The following SEZ6 variants were observed in gnomAD, a reference collection of about 807,000 sequenced individuals.
SEZ6 encodes the protein seizure protein 6 homolog.
In SEZ6, 53 loss-of-function variants were observed where a neutral mutation model predicts 101.0. The ratio of observed to expected loss-of-function variants is 0.52; its 90% CI spans 0.42 to 0.66. The LOEUF (loss-of-function observed/expected upper bound fraction) is 0.66. SEZ6 is among the 30% of genes least tolerant of loss of function. The pLI, the probability that SEZ6 is intolerant of heterozygous loss-of-function variation, is 0.00. For missense variants in SEZ6, 1,102 were observed against 1,289.4 expected, an observed-to-expected ratio of 0.85 and a Z score of 2.23; for synonymous variants, 488 against 512.2, an observed-to-expected ratio of 0.95 and a Z score of 0.64.
At chr17:28,999,630 C>T (rs923721447) in intron 1 of SEZ6, among the ~76,000 whole-genome samples, 1 of 152,198 alleles carries the variant, frequency 6.6e-6, no homozygotes, top group Non-Finnish European at 1.5e-5. Flanking sequence ...CATCCTCCCC[C>T]CACAGGTCTG....
chr17:29,002,686 G>A (rs2041630836), intron 1 of SEZ6, among the ~76,000 whole-genome samples: 1 of 152,174 alleles, frequency 6.6e-6, no homozygotes, highest in Non-Finnish European at 1.5e-5. Context: ...GCCAGGCTGG[G>A]GACAAGGAAC....
At chr17:28,974,255 C>G (rs1047805836) in intron 3 of SEZ6, among the ~76,000 whole-genome samples, 1 of 152,186 alleles carries the variant, frequency 6.6e-6, no homozygotes, top group Non-Finnish European at 1.5e-5. Context: ...CTACAGGTCT[C>G]CTAGGCTCTC....
chr17:28,979,744 G>A lies in SEZ6; in HGVS notation c.794C>T (p.Thr265Ile), dbSNP rs1490447998. ...LDSPTDLSSP[T>I]DVGLDCFFYI... ...GAAGAAGCAGTCCAGGCCAACATCA[G>A]TGGGGGAGCTGAGGTCTGTAGGGGA... Residue 265 changes from threonine to isoleucine, a missense_variant, in exon 3 of 17, where the codon ACT becomes ATT. This residue lies in a region of SEZ6 where 406 missense variants were observed against 418.6 expected (regional missense o/e 0.97). Transcript: ENST00000317338. 4 of 1,613,910 alleles carry A rather than the reference G, an allele frequency of 2.5e-6. No homozygotes were observed. Among genetic ancestry groups the A allele is most frequent in the Admixed American group, 3.3e-5 (2 of 60,000 alleles).
chr17:28,961,498 A>G (rs966780265), intron 5 of SEZ6, among the ~76,000 whole-genome samples: 3 of 152,192 alleles, frequency 2.0e-5, no homozygotes, highest in African/African-American at 7.2e-5. Context: ...TTGGTTGAAT[A>G]AAATGAGTGA....
chr17:28,998,308 G>A (rs987673871), intron 1 of SEZ6, among the ~76,000 whole-genome samples: 2 of 152,078 alleles, frequency 1.3e-5, no homozygotes, highest in Admixed American at 1.3e-4. Context: ...ACCAGTTAGA[G>A]GGAGGGGCTT....
chr17:28,969,984 T>C (rs781563199), intron 3 of SEZ6, 32 bp from the exon 4 acceptor site: 3 of 1,506,162 alleles, frequency 2.0e-6, no homozygotes, highest in African/African-American at 1.5e-5. Context: ...AAAAGCAAAG[T>C]AGTCAGACTT....
intron 1 of SEZ6, among the ~76,000 whole-genome samples, chr17:28,986,725 G>GT (rs2041389759): frequency 6.6e-6 from 1 of 152,234 alleles, no homozygotes; most frequent in Admixed American, 6.5e-5. Flanking sequence ...AAAGCCTTGG[G>GT]TTCCAATCCC....
chr17:28,969,430 T>C (rs1352783636), intron 4 of SEZ6, among the ~76,000 whole-genome samples: 1 of 152,192 alleles, frequency 6.6e-6, no homozygotes, highest in African/African-American at 2.4e-5. Flanking sequence ...ATTGCCAGTG[T>C]CCAGCACAAG....
At chr17:28,994,896 CAG>C (rs1296870578) in intron 1 of SEZ6, among the ~76,000 whole-genome samples, 1 of 151,422 alleles carries the variant, frequency 6.6e-6, no homozygotes, top group African/African-American at 2.4e-5. Flanking sequence ...TTTTTTGAGA[CAG>C]AGTCTCACTC....
At chr17:28,973,979 C>A (rs1267639994) in intron 3 of SEZ6, among the ~76,000 whole-genome samples, 1 of 152,198 alleles carries the variant, frequency 6.6e-6, no homozygotes, top group African/African-American at 2.4e-5. Context: ...GGAGGAAATA[C>A]AGCCACTTTG....
chr17:29,002,521 A>G (rs1428540952), intron 1 of SEZ6, among the ~76,000 whole-genome samples: 1 of 152,174 alleles, frequency 6.6e-6, no homozygotes, highest in Non-Finnish European at 1.5e-5. Context: ...TCTCCTGTCC[A>G]TGGCAGTCTC....
At chr17:28,967,345 C>T (rs2041086337) in intron 4 of SEZ6, among the ~76,000 whole-genome samples, 2 of 152,156 alleles carry the variant, frequency 1.3e-5, no homozygotes, top group South Asian at 4.1e-4. Flanking sequence ...GACCCTGTGC[C>T]CTCATCACAC....
In SEZ6 at chr17:28,967,726, G is replaced by A. The variant is rs536166567; in HGVS notation, c.1054+2031C>T. ...ACCACTCTAGTAAGGGAGGGCCCTC[G>A]TTTCACAGATGAGGAAACTGGGCTG... On this transcript the variant is annotated intron_variant, in intron 4 of 16. Transcript: ENST00000317338. Among the ~76,000 whole-genome samples, 8 of 152,214 alleles carry A rather than the reference G, an allele frequency of 5.3e-5. No homozygotes were observed. The South Asian group carries it at 6.2e-4, about 12-fold the overall frequency.
In SEZ6 at chr17:28,964,043, A is replaced by G; in HGVS notation, c.1159T>C (p.Tyr387His). 6.2e-7 allele frequency: 1 copy of G among 1,611,094 alleles called. No homozygotes were observed. Among genetic ancestry groups the G allele is most frequent in the Non-Finnish European group, 8.5e-7 (1 of 1,178,692 alleles). The stretch of plus-strand genomic sequence containing the variant: ...AGATGCCTGGCGCCCTTCAGCTGGT[A>G]GCCAGTGGCACAATGGAAGCGGGCA... ...GSARFHCATG[Y>H]QLKGARHLTC... Residue 387 changes from tyrosine (Y) to histidine (H), a missense_variant, in exon 5 of 17, where the codon TAC becomes CAC. By Grantham distance (83) the Tyr-to-His change is moderately conservative. This residue lies in a region of SEZ6 where 556 missense variants were observed against 735.1 expected (regional missense o/e 0.76). Coordinates refer to ENST00000317338, the MANE Select transcript of SEZ6 (RefSeq NM_178860.5).
chr17:28,975,008 A>G (rs1459911697), intron 3 of SEZ6, among the ~76,000 whole-genome samples: 1 of 152,152 alleles, frequency 6.6e-6, no homozygotes, highest in Non-Finnish European at 1.5e-5. Flanking sequence ...TAGTTTACCT[A>G]CTTCATGGGT....
At chr17:28,984,247 C>T (rs1398099761) in intron 1 of SEZ6, among the ~76,000 whole-genome samples, 2 of 152,190 alleles carry the variant, frequency 1.3e-5, no homozygotes, top group African/African-American at 2.4e-5. Flanking sequence ...CATGCCAGAA[C>T]AGGGCTCCTC....
chr17:28,979,534 T>C, intron 3 of SEZ6, 146 bp downstream of exon 3: 1 of 1,208,500 alleles, frequency 8.3e-7, no homozygotes, highest in Non-Finnish European at 1.2e-6. Context: ...TCTAACCATT[T>C]AGGCCCATCT....
At position 28,956,187 on chromosome 17, in the gene SEZ6, G is replaced by T. The variant is rs763136294; in HGVS notation, c.2924C>A (p.Ala975Glu). 20 of 1,245,338 alleles carry T rather than the reference G, an allele frequency of 1.6e-5. No homozygotes were observed. Among genetic ancestry groups the T allele is most frequent in the Non-Finnish European group, 2.2e-5 (20 of 915,320 alleles). 77.1% of individuals were successfully genotyped at this position (1,245,338 alleles called of 1,614,324 possible). A position where few individuals can be genotyped will look rare whatever the true frequency, so the allele number is the denominator to read the frequency against. Residue 975 changes from alanine to glutamate, a missense_variant, in exon 16 of 17, where the codon GCG (alanine) becomes GAG (glutamate). By Grantham distance (107) the Ala-to-Glu change is moderately radical. Transcript: ENST00000317338. Reference sequence around the variant, plus strand: ...AGTCTCGTAAGTTGGATTGTCAAACGCTGACTCTATGGTAATGCGGTTGTA... The same window carrying T: ...AGTCTCGTAAGTTGGATTGTCAAACTCTGACTCTATGGTAATGCGGTTGTA... ...RPYNRITIES[A>E]FDNPTYETGS...
chr17:28,998,772 T>G (rs2041576661), intron 1 of SEZ6, among the ~76,000 whole-genome samples: 1 of 152,124 alleles, frequency 6.6e-6, no homozygotes, highest in Non-Finnish European at 1.5e-5. Flanking sequence ...CATCATGGAT[T>G]GGCCCAGGGA....
Sources: gnomAD v4.1 joint callset for allele counts (sites outside exome capture counted in the v4.1 genomes callset) on GRCh38, gnomAD v4.1.1 for gene constraint, gnomAD v4.1.1 regional missense constraint, MANE v1.5 for transcripts, NCBI Gene and HGNC (gene_info 2026-07-23, HGNC 2026-07-21) for gene names.